PARVG: variants seen among roughly 807,000 people sequenced by gnomAD.
The protein encoded by PARVG is gamma-parvin.
Under a neutral mutation model 44.4 loss-of-function variants are expected in PARVG, and 36 were observed. The ratio of observed to expected loss-of-function variants is 0.81; its 90% CI spans 0.62 to 1.07. The LOEUF (loss-of-function observed/expected upper bound fraction) is 1.07. Among genes scored for constraint, PARVG ranks in the 50% least tolerant of loss-of-function variants. The pLI, the probability that PARVG is intolerant of heterozygous loss-of-function variation, is 0.00. For missense variants in PARVG, 407 were observed against 407.4 expected (o/e 1.00, Z 0.01); for synonymous variants, 170 against 174.1 (o/e 0.98, Z 0.19).
intron 12 of PARVG, among the ~76,000 whole-genome samples, chr22:44,198,945 CCCATCCATCCATCCATCCATCCATCCAT>C (rs1292696321): frequency 4.3e-5 from 1 of 23,046 alleles, no homozygotes; most frequent in Admixed American, 5.0e-4. Context: ...CATCCACCCA[CCCATCCATCCATCCATCCATCCATCCAT>C]CCATCCATCC....
chr22:44,205,503 G>A (rs1016707280), intron 12 of PARVG, among the ~76,000 whole-genome samples: 1 of 152,238 alleles, frequency 6.6e-6, no homozygotes, highest in East Asian at 1.9e-4. Flanking sequence ...GCCCAGTGTG[G>A]TATAGCACCT....
chr22:44,185,706 C>A, intron 3 of PARVG, 102 bp from the exon 4 acceptor site: 1 of 959,246 alleles, frequency 1.0e-6, no homozygotes, highest in Non-Finnish European at 1.6e-6. Context: ...AGGACCGGTG[C>A]CCCTGGGTCT....
Position 44,198,735 on chromosome 22 carries a change from A to T in PARVG, c.813+13A>T. 6.3e-7 allele frequency: 1 copy of T among 1,585,754 alleles called. No individual in the cohort carries two copies. The highest frequency in any genetic ancestry group is 8.7e-7 in the Non-Finnish European group (1 of 1,154,068). On this transcript the variant is annotated intron_variant, in intron 12 of 13. Coordinates refer to ENST00000444313, the MANE Select transcript of PARVG (RefSeq NM_022141.7). ...TCCTGCAGAAATGGTAAGTTTTCCAAGGATTTTTCTTTATGGTCTACCTCT... is the reference window on the plus strand; with the variant it reads ...TCCTGCAGAAATGGTAAGTTTTCCATGGATTTTTCTTTATGGTCTACCTCT...
intron 1 of PARVG, among the ~76,000 whole-genome samples, chr22:44,173,750 C>G (rs957833642): frequency 2.0e-5 from 3 of 152,160 alleles, no homozygotes; most frequent in African/African-American, 7.2e-5. Flanking sequence ...GGTTCTGCCC[C>G]TTGGGGGATC....
intron 12 of PARVG, among the ~76,000 whole-genome samples, chr22:44,200,768 G>A (rs1055197022): frequency 2.0e-5 from 3 of 152,166 alleles, no homozygotes; most frequent in East Asian, 1.9e-4. Context: ...TGCTCAGGGC[G>A]TCCTTGGCCC....
At chr22:44,177,845 G>C (rs2054333373), upstream of PARVG, among the ~76,000 whole-genome samples, 1 of 152,140 alleles carries the variant, frequency 6.6e-6, no homozygotes, top group Non-Finnish European at 1.5e-5. Context: ...CAGTCTGACA[G>C]AGTGCACTGT....
rs1601727056 is a variant in PARVG, at chr22:44,182,251, C to A, written c.-13+334C>A. On this transcript the variant is annotated intron_variant, in intron 2 of 13. Transcript: ENST00000444313. This position sits in a 1 kb window ranked among gnomAD's most constrained non-coding sequence, Gnocchi z 4.6. Reference sequence around the variant, plus strand: ...TTGGGCAGCATCGAGTCCAGGCCCTCCTTGTAACCATGCATCAGGACCAGA... The same window carrying A: ...TTGGGCAGCATCGAGTCCAGGCCCTACTTGTAACCATGCATCAGGACCAGA... Among the ~76,000 whole-genome samples the A allele has an allele frequency of 6.6e-6, 1 of 152,200 alleles. No individual in the cohort carries two copies.
intron 12 of PARVG, 33 bp from the exon 13 acceptor site, chr22:44,205,724 G>T (rs760899692): frequency 1.2e-6 from 2 of 1,612,646 alleles, no homozygotes; most frequent in African/African-American, 2.7e-5. Context: ...GCTGCTGCTT[G>T]TGCCCACATC....
intron 12 of PARVG, among the ~76,000 whole-genome samples, chr22:44,199,408 T>C (rs2054675207): frequency 6.6e-6 from 1 of 151,938 alleles, no homozygotes; most frequent in African/African-American, 2.4e-5. Flanking sequence ...CCCATACACT[T>C]GCCTGCCCAT....
At chr22:44,201,860 C>T (rs1015226354) in intron 12 of PARVG, among the ~76,000 whole-genome samples, 8 of 152,218 alleles carry the variant, frequency 5.3e-5, no homozygotes, top group African/African-American at 1.9e-4. Flanking sequence ...AGCAGCTGGC[C>T]CGGGCACGCT....
chr22:44,201,706 C>T lies in PARVG; in HGVS notation c.813+2984C>T, dbSNP rs554883909. ...GGGCTGAAAACCATGCTCATTTCTTCCCACAGACCGGCAGGTCGGCTGAGT... is the reference window on the plus strand; with the variant it reads ...GGGCTGAAAACCATGCTCATTTCTTTCCACAGACCGGCAGGTCGGCTGAGT... On this transcript the variant is annotated intron_variant, in intron 12 of 13. Coordinates refer to ENST00000444313, the MANE Select transcript of PARVG (RefSeq NM_022141.7). Among the ~76,000 whole-genome samples the T allele has an allele frequency of 2.6e-5, 4 of 152,220 alleles. No individual in the cohort carries two copies. In the South Asian group the frequency reaches 6.2e-4, roughly 24 times the overall value.
upstream of PARVG, among the ~76,000 whole-genome samples, chr22:44,178,849 G>T (rs1477723205): frequency 6.6e-6 from 1 of 152,148 alleles, no homozygotes; most frequent in Non-Finnish European, 1.5e-5. Context: ...ATGTGGATGA[G>T]ATATTAGAAA....
intron 3 of PARVG, 29 bp downstream of exon 3, chr22:44,183,437 A>G: frequency 6.4e-7 from 1 of 1,560,728 alleles, no homozygotes; most frequent in Non-Finnish European, 8.6e-7. Flanking sequence ...CTGAGGGTGG[A>G]GGGTGAAGGT....
chr22:44,192,179 C>T lies in PARVG; in HGVS notation c.560+75C>T. The T allele has an allele frequency of 5.9e-6, 9 of 1,530,578 alleles. No individual in the cohort carries two copies. In the South Asian group the frequency reaches 6.8e-5, roughly 12 times the overall value. The allele number at this position is 1,530,578 out of a possible 1,614,324, so 94.8% of individuals were successfully genotyped here. A position where few individuals can be genotyped will look rare whatever the true frequency, so the allele number is the denominator to read the frequency against. On this transcript the variant is annotated intron_variant, in intron 8 of 13. Coordinates refer to ENST00000444313, the MANE Select transcript of PARVG (RefSeq NM_022141.7). ...GATGGGGGCAGGGTGGGGGCCAGGG[C>T]AGATCTGCCTGACCTTTGTGGGAAG... is the stretch of plus-strand genomic sequence containing the variant.
In PARVG at chr22:44,205,788, T is replaced by C. The variant is rs949938247; in HGVS notation, c.845T>C (p.Leu282Pro). The C allele has an allele frequency of 1.1e-5, 18 of 1,613,472 alleles. No individual in the cohort carries two copies. The highest frequency in any genetic ancestry group is 1.4e-5 in the Non-Finnish European group (17 of 1,179,994). The change falls in exon 13 of 14, where the codon CTG (leucine) becomes CCG (proline). Residue 282 changes from leucine to proline, a missense_variant. By Grantham distance (98) the Leu-to-Pro change is moderately conservative. Transcript: ENST00000444313. Reference protein sequence around the residue: ...LHNVTLALELLKDEGLLSCPV... With the variant: ...LHNVTLALELPKDEGLLSCPV... ...AACGTCACCCTGGCGCTGGAGCTGC[T>C]GAAGGACGAGGGCCTGCTCAGCTGC...
At chr22:44,177,769 C>T (rs952106101), upstream of PARVG, among the ~76,000 whole-genome samples, 1 of 151,946 alleles carries the variant, frequency 6.6e-6, no homozygotes, top group African/African-American at 2.4e-5. Context: ...GTCCCAGTTA[C>T]CCAGGAGGAT....
At chr22:44,176,818 C>T (rs1328496425), upstream of PARVG, among the ~76,000 whole-genome samples, 1 of 152,188 alleles carries the variant, frequency 6.6e-6, no homozygotes, top group Non-Finnish European at 1.5e-5. Context: ...CACCGTTCCA[C>T]ATGGCTGGAG....
At chr22:44,181,957 G>A (rs988389937) in intron 2 of PARVG, 40 bp downstream of exon 2, 2 of 985,360 alleles carry the variant, frequency 2.0e-6, no homozygotes, top group Admixed American at 6.1e-5. Context: ...TGAGTGTTGG[G>A]GGTCACGGAG....
chr22:44,197,567 A>T (rs1179573687), intron 11 of PARVG, among the ~76,000 whole-genome samples: 2 of 152,150 alleles, frequency 1.3e-5, no homozygotes. Context: ...GGGTGGAAGT[A>T]TCACGCTCTG....
Sources: allele counts gnomAD v4.1 joint callset (sites outside exome capture counted in the v4.1 genomes callset), GRCh38; gene constraint gnomAD v4.1.1; non-coding constraint Gnocchi (gnomAD v3.1); transcripts MANE v1.5; gene names NCBI Gene and HGNC (gene_info 2026-07-23, HGNC 2026-07-21).